Variants in TSC22D3 observed in about 807,000 individuals in gnomAD.
TSC22D3 encodes the protein TSC22 domain family protein 3.
In TSC22D3, 4 loss-of-function variants were observed where a neutral mutation model predicts 11.1. That is an observed-to-expected ratio of 0.36 (90% CI 0.18 to 0.83). TSC22D3 has a LOEUF of 0.83. Among genes scored for constraint, TSC22D3 ranks in the 40% least tolerant of loss-of-function variants. TSC22D3 has a pLI of 0.48. For missense variants in TSC22D3, 118 were observed against 159.4 expected (o/e 0.74, Z 1.40); for synonymous variants, 77 against 70.3 (o/e 1.10, Z -0.48).
intron 1 of TSC22D3, among the ~76,000 whole-genome samples, chrX:107,744,344 G>A (rs770125303): frequency 2.7e-5 from 3 of 110,954 alleles, no homozygotes; most frequent in South Asian, 3.8e-4. Context: ...GGCTGGGTGC[G>A]GTGGCTCACA....
chrX:107,729,755 C>T (rs1308375390), intron 1 of TSC22D3, among the ~76,000 whole-genome samples: 1 of 112,538 alleles, frequency 8.9e-6, no homozygotes, highest in Non-Finnish European at 1.9e-5. Context: ...AACCAGTTAG[C>T]CTGGGGCTCC....
intron 1 of TSC22D3, among the ~76,000 whole-genome samples, chrX:107,761,906 T>C (rs1215146611): frequency 8.9e-6 from 1 of 112,344 alleles, no homozygotes; most frequent in Non-Finnish European, 1.9e-5. Flanking sequence ...CCCATGTCTT[T>C]ACATAATGAA....
chrX:107,755,826 C>T (rs955418296), intron 1 of TSC22D3, among the ~76,000 whole-genome samples: 5 of 111,834 alleles, frequency 4.5e-5, no homozygotes, highest in Non-Finnish European at 3.8e-5. Flanking sequence ...GAATAAAGCC[C>T]GTGAACAATG....
At chrX:107,753,136 C>G (rs774221834) in intron 1 of TSC22D3, among the ~76,000 whole-genome samples, 1 of 110,913 alleles carries the variant, frequency 9.0e-6, no homozygotes, top group Admixed American at 9.6e-5. Flanking sequence ...CCTATCCTTC[C>G]CTTTACCTAC....
chrX:107,730,278 A>T (rs1045397282), intron 1 of TSC22D3, among the ~76,000 whole-genome samples: 3 of 111,841 alleles, frequency 2.7e-5, no homozygotes, highest in African/African-American at 9.8e-5. Flanking sequence ...ATTTTAAAGC[A>T]CTGGGCTGCC....
Position 107,714,638 on chromosome X carries a change from G to A in TSC22D3, c.484C>T (p.Leu162=). Residue 162 remains leucine (L), a synonymous_variant, in exon 3 of 3, where the codon CTG becomes TTG. Coordinates refer to ENST00000372383, the MANE Select transcript of TSC22D3 (RefSeq NM_198057.3). ...TCTGGGCTTGCCAGGGTCTTCAACAGGGTGTTCTCACGCTCTAGCTGGGAG... is the reference window on the plus strand; with the variant it reads ...TCTGGGCTTGCCAGGGTCTTCAACAAGGTGTTCTCACGCTCTAGCTGGGAG... The part of the protein sequence containing the change: ...KNSQLERENT[L]LKTLASPEQL... The A allele has an allele frequency of 1.7e-6, 2 of 1,211,681 alleles. No homozygotes were observed. The highest frequency in any genetic ancestry group is 2.2e-6 in the Non-Finnish European group (2 of 895,494).
intron 1 of TSC22D3, among the ~76,000 whole-genome samples, chrX:107,719,490 G>A (rs1927222487): frequency 8.9e-6 from 1 of 112,284 alleles, no homozygotes; most frequent in East Asian, 2.8e-4. Context: ...CAACCCCAAG[G>A]TTTAGGCACT....
intron 1 of TSC22D3, among the ~76,000 whole-genome samples, chrX:107,772,587 C>T (rs1284463439): frequency 9.0e-6 from 1 of 111,517 alleles, no homozygotes; most frequent in Non-Finnish European, 1.9e-5. Flanking sequence ...TGGCTCATGC[C>T]TGTGATCCTG....
At position 107,775,503 on chromosome X, in the gene TSC22D3, C is replaced by G; in HGVS notation, c.-84G>C. On this transcript the variant is annotated 5_prime_UTR_variant, in exon 1 of 3. Transcript: ENST00000372383. ...CCCACCGAGCTGGCCTGAGGGGACTCCAGGGTGCCTGGAAAAGACAAGCTG... is the reference window on the plus strand; with the variant it reads ...CCCACCGAGCTGGCCTGAGGGGACTGCAGGGTGCCTGGAAAAGACAAGCTG... The G allele has an allele frequency of 1.3e-6, 1 of 773,371 alleles. No homozygotes were observed. The highest frequency in any genetic ancestry group is 3.5e-5 in the East Asian group (1 of 28,366). 63.7% of individuals were successfully genotyped at this position (773,371 alleles called of 1,213,427 possible).
intron 1 of TSC22D3, among the ~76,000 whole-genome samples, chrX:107,773,196 A>G (rs1929980157): frequency 8.9e-6 from 1 of 112,480 alleles, no homozygotes; most frequent in African/African-American, 3.2e-5. Flanking sequence ...TTCCCTTTCC[A>G]CAAACCCAAA....
intron 1 of TSC22D3, among the ~76,000 whole-genome samples, chrX:107,717,864 T>C (rs1927132455): frequency 1.8e-5 from 2 of 112,211 alleles, no homozygotes; most frequent in Non-Finnish European, 3.8e-5. Flanking sequence ...CTTTTCTCTT[T>C]AGTCTCCACA....
chrX:107,742,762 C>T (rs1202048822), intron 1 of TSC22D3, among the ~76,000 whole-genome samples: 1 of 111,947 alleles, frequency 8.9e-6, no homozygotes, highest in Non-Finnish European at 1.9e-5. Flanking sequence ...CCAACGGCCC[C>T]AGACCCCAGA....
At chrX:107,714,809 C>T in intron 2 of TSC22D3, 60 bp from the exon 3 acceptor site, 1 of 1,090,184 alleles carries the variant, frequency 9.2e-7, no homozygotes, top group East Asian at 3.0e-5. Context: ...CTCTGCAGCA[C>T]CTTTGCTCTG....
chrX:107,722,130 C>A (rs1927366384), intron 1 of TSC22D3: 2 of 276,142 alleles, frequency 7.2e-6, no homozygotes, highest in Non-Finnish European at 1.3e-5. Context: ...ATGGCCAGGG[C>A]CCAGAGCTCC....
chrX:107,724,445 G>A (rs1602954322), intron 1 of TSC22D3, among the ~76,000 whole-genome samples: 1 of 113,239 alleles, frequency 8.8e-6, no homozygotes, highest in Non-Finnish European at 1.9e-5. Context: ...ATGGAAGCAC[G>A]TGCATTTGTG....
intron 1 of TSC22D3, among the ~76,000 whole-genome samples, chrX:107,764,000 C>A (rs1057432265): frequency 8.9e-6 from 1 of 112,343 alleles, no homozygotes; most frequent in African/African-American, 3.2e-5. Flanking sequence ...CTCAGAAAGT[C>A]TTCTATCTGA....
intron 1 of TSC22D3, among the ~76,000 whole-genome samples, chrX:107,748,099 G>A (rs1419405719): frequency 1.8e-5 from 2 of 111,535 alleles, no homozygotes; most frequent in African/African-American, 6.5e-5. Flanking sequence ...CACACCCCTG[G>A]ACACACCCCT....
intron 1 of TSC22D3, chrX:107,774,882 C>G (rs1569456117): frequency 2.3e-6 from 1 of 443,078 alleles, no homozygotes; most frequent in Non-Finnish European, 3.8e-6. Context: ...ATCAGAAAGC[C>G]TTTGCAGGCA....
rs1375654376 is a variant in TSC22D3, at chrX:107,713,638, G to A, written c.*881C>T. ...GCTGGGGAAAGGGTTGCAGCAGCAAGGCATCCGTGGCCGCATTCAGAGGCT... is the reference window on the plus strand; with the variant it reads ...GCTGGGGAAAGGGTTGCAGCAGCAAAGCATCCGTGGCCGCATTCAGAGGCT... On this transcript the variant is annotated 3_prime_UTR_variant, in exon 3 of 3. Transcript: ENST00000372383. 5.3e-5 allele frequency: 6 copies of A among 112,393 alleles called. No individual in the cohort carries two copies. In the Admixed American group the frequency reaches 5.6e-4, roughly 11 times the overall value. The allele number at this position is 112,393 out of a possible 1,213,427, so 9.3% of individuals were successfully genotyped here.
Sources: allele counts gnomAD v4.1 joint callset (sites outside exome capture counted in the v4.1 genomes callset), GRCh38; gene constraint gnomAD v4.1.1; transcripts MANE v1.5; gene names NCBI Gene and HGNC (gene_info 2026-07-23, HGNC 2026-07-21).